PRR15: variants seen among roughly 807,000 people sequenced by gnomAD.
PRR15 encodes the protein proline rich 15, also known as proline-rich protein 15.
Under a neutral mutation model 3.0 loss-of-function variants are expected in PRR15, and 4 were observed. That is an observed-to-expected ratio of 1.34 (90% confidence interval 0.66 to 3.08). The LOEUF is 3.08. PRR15 is among the 30% of genes most tolerant of loss of function. PRR15 has a pLI of 0.01. For synonymous variants in PRR15, 82 were observed against 79.8 expected, an observed-to-expected ratio of 1.03 and a Z score of -0.14; for missense variants, 200 against 179.5, an observed-to-expected ratio of 1.11 and a Z score of -0.65.
chr7:29,566,544 C>T lies in PRR15; in HGVS notation c.215C>T (p.Pro72Leu). Residue 72 changes from proline to leucine, a missense_variant, in exon 2 of 2, where the codon CCC becomes CTC. Physicochemically the swap from Pro to Leu is moderately conservative, Grantham distance 98 (BLOSUM62 -3). Coordinates refer to ENST00000319694, the MANE Select transcript of PRR15 (RefSeq NM_175887.3). ...PNLLGGAGEP[P>L]KPDKLYGDKS... ...CTCCTCGGGGGCGCCGGCGAGCCCC[C>T]CAAACCAGACAAGTTATACGGGGAC... The T allele has an allele frequency of 6.2e-7, 1 of 1,608,196 alleles. No homozygotes were observed.
rs1792915104 is a variant in PRR15 at position 29,566,604 on chromosome 7, C to A, written c.275C>A (p.Ser92Ter). The A allele has an allele frequency of 1.2e-6, 2 of 1,606,338 alleles. No homozygotes were observed. The highest frequency in any genetic ancestry group is 2.7e-5 in the African/African-American group (2 of 74,694). Residue 92 changes from serine (S) to a stop codon, truncating the protein, a stop_gained, in exon 2 of 2, where the codon TCG (serine) becomes TAG (stop). Coordinates refer to ENST00000319694, the MANE Select transcript of PRR15 (RefSeq NM_175887.3). LOFTEE classifies it high-confidence loss of function. ...SGSSRRNLKI[S>*]RSGRFKEKRK... ...AGCAGCCGCCGCAATTTGAAGATCT[C>A]GCGCTCCGGCCGCTTTAAGGAGAAG...
chr7:29,564,355 C>G lies in PRR15; in HGVS notation c.-168C>G, dbSNP rs1428567789. On this transcript the variant is annotated 5_prime_UTR_variant, in exon 1 of 2. Transcript: ENST00000319694. ...GGCCGCGTTCACCGCGCGAGGCCTC[C>G]GGGTCCTGTTAAGCCCGAGCAGGTG... is the stretch of plus-strand genomic sequence containing the variant. The G allele has an allele frequency of 6.6e-6, 1 of 152,256 alleles. No homozygotes were observed. The highest frequency in any genetic ancestry group is 1.5e-5 in the Non-Finnish European group (1 of 68,106). 9.4% of individuals were successfully genotyped at this position (152,256 alleles called of 1,614,324 possible).
At position 29,564,215 on chromosome 7, in the gene PRR15, G is replaced by C. The variant is rs1346473177; in HGVS notation, c.-308G>C. On this transcript the variant is annotated 5_prime_UTR_variant, in exon 1 of 2. Transcript: ENST00000319694. ...CCAGCAGCAGCACTTGATTTAGCTG[G>C]GCTGCGGGAATTCCGACCTGTACAC... The C allele has an allele frequency of 1.3e-5, 2 of 152,390 alleles. No homozygotes were observed. The highest frequency in any genetic ancestry group is 4.8e-5 in the African/African-American group (2 of 41,436). The allele number at this position is 152,390 out of a possible 1,614,324, so 9.4% of individuals were successfully genotyped here.
intron 1 of PRR15, among the ~76,000 whole-genome samples, chr7:29,564,727 T>C (rs757393039): frequency 6.6e-6 from 1 of 152,188 alleles, no homozygotes; most frequent in Non-Finnish European, 1.5e-5. Context: ...GAATGGGATG[T>C]TTGCAGACGC....
Position 29,566,184 on chromosome 7 carries a change from G to A in PRR15, c.-145-1G>A. The A allele has an allele frequency of 1.0e-6, 1 of 992,304 alleles. No individual in the cohort carries two copies. The highest frequency in any genetic ancestry group is 1.4e-6 in the Non-Finnish European group (1 of 694,842). 61.5% of individuals were successfully genotyped at this position (992,304 alleles called of 1,614,324 possible). On this transcript the variant is annotated splice_acceptor_variant, in intron 1 of 1. Coordinates refer to ENST00000319694, the MANE Select transcript of PRR15 (RefSeq NM_175887.3). LOFTEE classifies it low-confidence loss of function (5UTR_SPLICE). ...TAACCAAGTTTTGTTTTCTTCCCCA[G>A]CACAGGCCGCTGCCTCAGCATCCAC...
rs1430806350 is a variant in PRR15, at chr7:29,564,133, C to G, written c.-390C>G. The G allele has an allele frequency of 1.3e-5, 2 of 152,568 alleles. No individual in the cohort carries two copies. 9.5% of individuals were successfully genotyped at this position (152,568 alleles called of 1,614,324 possible). A position where few individuals can be genotyped will look rare whatever the true frequency, so the allele number is the denominator to read the frequency against. ...CGCCCCCTCCGACCAGAACAGACTGCGCTGCGAGCCCCGGGCTTCCGCCGC... is the reference window on the plus strand; with the variant it reads ...CGCCCCCTCCGACCAGAACAGACTGGGCTGCGAGCCCCGGGCTTCCGCCGC... On this transcript the variant is annotated 5_prime_UTR_variant, in exon 1 of 2. Transcript: ENST00000319694.
rs1792923248 is a variant in PRR15 at position 29,566,817 on chromosome 7, C to A, written c.*98C>A. Reference sequence around the variant, plus strand: ...TCAGGCCCGCCCCCTTACGCGTTGTCTCATTCCACCAAATTCAGAATATTT... The same window carrying A: ...TCAGGCCCGCCCCCTTACGCGTTGTATCATTCCACCAAATTCAGAATATTT... On this transcript the variant is annotated 3_prime_UTR_variant, in exon 2 of 2. Coordinates refer to ENST00000319694, the MANE Select transcript of PRR15 (RefSeq NM_175887.3). The A allele has an allele frequency of 1.7e-6, 2 of 1,174,398 alleles. No homozygotes were observed. The highest frequency in any genetic ancestry group is 3.1e-5 in the African/African-American group (2 of 64,546). The allele number at this position is 1,174,398 out of a possible 1,614,324, so 72.7% of individuals were successfully genotyped here. A position where few individuals can be genotyped will look rare whatever the true frequency, so the allele number is the denominator to read the frequency against.
In PRR15 at chr7:29,566,288, G is replaced by A. The variant is rs1419010625; in HGVS notation, c.-42G>A. 2 of 1,563,516 alleles carry A rather than the reference G, an allele frequency of 1.3e-6. No homozygotes were observed. Among genetic ancestry groups the A allele is most frequent in the Non-Finnish European group, 1.7e-6 (2 of 1,162,240 alleles). On this transcript the variant is annotated 5_prime_UTR_variant, in exon 2 of 2. Transcript: ENST00000319694. ...CCACGTGGAGAAAGGGGCCGCTTTG[G>A]CCCTTCCATCTGGGTGCCGGGAGCC...
chr7:29,564,894 C>A (rs1256580810), intron 1 of PRR15, among the ~76,000 whole-genome samples: 1 of 152,072 alleles, frequency 6.6e-6, no homozygotes, highest in East Asian at 1.9e-4. Context: ...CCGAGGCCGC[C>A]CCGCCGCCTC....
intron 1 of PRR15, 143 bp from the exon 2 acceptor site, chr7:29,566,042 G>A: frequency 1.9e-6 from 1 of 513,116 alleles, no homozygotes; most frequent in South Asian, 2.9e-5. Flanking sequence ...GGCGTCTAAT[G>A]CTAATGTGGG....
In PRR15 at chr7:29,566,671, C is replaced by CT; in HGVS notation, c.342_343insT (p.Pro115SerfsTer9). 1 of 1,575,322 alleles carries CT rather than the reference C, an allele frequency of 6.3e-7. No homozygotes were observed. The highest frequency in any genetic ancestry group is 8.6e-7 in the Non-Finnish European group (1 of 1,160,852). On this transcript the variant is annotated frameshift_variant, in exon 2 of 2. Coordinates refer to ENST00000319694, the MANE Select transcript of PRR15 (RefSeq NM_175887.3). LOFTEE classifies it high-confidence loss of function. ...CGCTGCTCCCGGAGGCGGGCAGGTCCCCGGAGGAGGCAGGCTTTCCTGGTG... is the reference window on the plus strand; with the variant it reads ...CGCTGCTCCCGGAGGCGGGCAGGTCCTCCGGAGGAGGCAGGCTTTCCTGGTG...
chr7:29,565,111 G>A (rs1490809938), intron 1 of PRR15, among the ~76,000 whole-genome samples: 5 of 152,230 alleles, frequency 3.3e-5, no homozygotes, highest in African/African-American at 1.2e-4. Flanking sequence ...AAGAGACCCC[G>A]CACAGAAAGT....
rs182134526 is a variant in PRR15 at position 29,567,273 on chromosome 7, A to C, written c.*554A>C. 3.0e-5 allele frequency: 5 copies of C among 167,322 alleles called. No homozygotes were observed. Among genetic ancestry groups the C allele is most frequent in the African/African-American group, 1.2e-4 (5 of 41,602 alleles). 10.4% of individuals were successfully genotyped at this position (167,322 alleles called of 1,614,324 possible). A position where few individuals can be genotyped will look rare whatever the true frequency, so the allele number is the denominator to read the frequency against. ...TGTACAGCCTATTTTAGTGTGGACT[A>C]TTAAAACCCTTGCACTGTAAGGCTT... On this transcript the variant is annotated 3_prime_UTR_variant, in exon 2 of 2. Transcript: ENST00000319694.
rs1365089710 is a variant in PRR15, at chr7:29,567,262, T to C, written c.*543T>C. On this transcript the variant is annotated 3_prime_UTR_variant, in exon 2 of 2. Coordinates refer to ENST00000319694, the MANE Select transcript of PRR15 (RefSeq NM_175887.3). The stretch of plus-strand genomic sequence containing the variant: ...AACTACAAAACTGTACAGCCTATTT[T>C]AGTGTGGACTATTAAAACCCTTGCA... 6.0e-6 allele frequency: 1 copy of C among 167,324 alleles called. No individual in the cohort carries two copies. The highest frequency in any genetic ancestry group is 2.4e-5 in the African/African-American group (1 of 41,482). 10.4% of individuals were successfully genotyped at this position (167,324 alleles called of 1,614,324 possible).
At chr7:29,565,740 C>G (rs111620375) in intron 1 of PRR15, 2,819 of 153,044 alleles carry the variant, frequency 0.018, 34 homozygotes, top group Non-Finnish European at 0.027. Flanking sequence ...TGGTTCCCAG[C>G]GCCCTCCTCC....
intron 1 of PRR15, among the ~76,000 whole-genome samples, chr7:29,565,927 CT>C (rs1414002388): frequency 6.6e-6 from 1 of 152,232 alleles, no homozygotes; most frequent in Non-Finnish European, 1.5e-5. Flanking sequence ...TGCACTTCCC[CT>C]GAAGGAAAGG....
rs753662353 is a variant in PRR15 at position 29,566,674 on chromosome 7, G to A, written c.345G>A (p.Pro115=). The part of the protein sequence containing the change: ...ATLLPEAGRS[P]EEAGFPGDPH... ...TGCTCCCGGAGGCGGGCAGGTCCCC[G>A]GAGGAGGCAGGCTTTCCTGGTGACC... Residue 115 remains proline (P), a synonymous_variant, in exon 2 of 2, where the codon CCG becomes CCA. Coordinates refer to ENST00000319694, the MANE Select transcript of PRR15 (RefSeq NM_175887.3). The A allele has an allele frequency of 7.0e-6, 11 of 1,569,518 alleles. No homozygotes were observed. Among genetic ancestry groups the A allele is most frequent in the South Asian group, 2.3e-5 (2 of 85,386 alleles).
At chr7:29,564,861 G>C (rs571610916) in intron 1 of PRR15, among the ~76,000 whole-genome samples, 7 of 152,302 alleles carry the variant, frequency 4.6e-5, no homozygotes, top group African/African-American at 1.7e-4. Context: ...GGGAGGAGCC[G>C]GTGTTGCGGT....
At position 29,566,624 on chromosome 7, in the gene PRR15, GA is replaced by G; in HGVS notation, c.296del (p.Glu99GlyfsTer101). 6.2e-7 allele frequency: 1 copy of G among 1,600,954 alleles called. No individual in the cohort carries two copies. The highest frequency in any genetic ancestry group is 8.5e-7 in the Non-Finnish European group (1 of 1,174,112). On this transcript the variant is annotated frameshift_variant, in exon 2 of 2. Transcript: ENST00000319694. LOFTEE classifies it high-confidence loss of function. ...GATCTCGCGCTCCGGCCGCTTTAAG[GA>G]GAAGAGGAAAGTGCGCGCCACGCTG... ...LKISRSGRFKEKRKVRATLLP... is the reference protein window; with the variant it reads ...LKISRSGRFKXKRKVRATLLP...
Sources: gnomAD v4.1 joint callset for allele counts (sites outside exome capture counted in the v4.1 genomes callset) on GRCh38, gnomAD v4.1.1 for gene constraint, MANE v1.5 for transcripts, NCBI Gene and HGNC (gene_info 2026-07-23, HGNC 2026-07-21) for gene names.